Variants in GRM1 observed in about 807,000 individuals in gnomAD.
The protein encoded by GRM1 is glutamate metabotropic receptor 1, also known as metabotropic glutamate receptor 1.
In GRM1, 33 loss-of-function variants were observed where a neutral mutation model predicts 90.9. The ratio of observed to expected loss-of-function variants is 0.36; its 90% CI spans 0.28 to 0.49. The LOEUF is 0.49. Among genes scored for constraint, GRM1 ranks in the 20% least tolerant of loss-of-function variants. The probability of loss-of-function intolerance (pLI) is 0.99; values close to 1 mark genes in which losing one functional copy is unlikely to be tolerated. For synonymous variants in GRM1, 700 were observed against 613.2 expected (o/e 1.14, Z -2.09); for missense variants, 1,190 against 1,534.3 (o/e 0.78, Z 3.75).
intron 5 of GRM1, among the ~76,000 whole-genome samples, chr6:146,385,017 C>T (rs1776451510): frequency 6.6e-6 from 1 of 151,974 alleles, no homozygotes; most frequent in Non-Finnish European, 1.5e-5. Context: ...GAGTAATACC[C>T]AGTGGTAGAC....
chr6:146,426,551 A>G (rs751891127), intron 7 of GRM1: 14 of 1,610,430 alleles, frequency 8.7e-6, no homozygotes, highest in East Asian at 4.5e-5. Flanking sequence ...TTTCTTTTCA[A>G]TCTTCAGGAA....
intron 7 of GRM1, among the ~76,000 whole-genome samples, chr6:146,421,838 A>G (rs1778006484): frequency 6.6e-6 from 1 of 152,170 alleles, no homozygotes; most frequent in Non-Finnish European, 1.5e-5. Context: ...TTCCATTTAC[A>G]GAGAGCCTAC....
chr6:146,391,531 A>G (rs1322910555), intron 6 of GRM1, among the ~76,000 whole-genome samples: 1 of 151,936 alleles, frequency 6.6e-6, no homozygotes, highest in Non-Finnish European at 1.5e-5. Flanking sequence ...TGGGATAAAC[A>G]AACACACCTG....
intron 2 of GRM1, among the ~76,000 whole-genome samples, chr6:146,291,739 C>T (rs544762481): frequency 2.0e-4 from 30 of 151,970 alleles, no homozygotes; most frequent in African/African-American, 6.7e-4. Context: ...ATAAAACTAT[C>T]TAAACAAATC....
At chr6:146,204,503 A>G (rs568114822) in intron 2 of GRM1, among the ~76,000 whole-genome samples, 53 of 152,294 alleles carry the variant, frequency 3.5e-4, no homozygotes, top group African/African-American at 1.2e-3. Context: ...ATGTAACTTC[A>G]TAGGGTCCAA....
chr6:146,423,072 G>A (rs1394804639), intron 7 of GRM1, among the ~76,000 whole-genome samples: 1 of 151,948 alleles, frequency 6.6e-6, no homozygotes, highest in South Asian at 2.1e-4. Flanking sequence ...AAATTGAAGA[G>A]GACCCTTTCT....
At chr6:146,249,113 A>G (rs1173376257) in intron 2 of GRM1, among the ~76,000 whole-genome samples, 1 of 152,238 alleles carries the variant, frequency 6.6e-6, no homozygotes, top group Non-Finnish European at 1.5e-5. Context: ...CTTATGTTTG[A>G]GAAGGAAGCA....
At chr6:146,136,299 A>G (rs955213700) in intron 1 of GRM1, among the ~76,000 whole-genome samples, 4 of 152,172 alleles carry the variant, frequency 2.6e-5, no homozygotes, top group Non-Finnish European at 4.4e-5. Context: ...CTATACCTAG[A>G]AGTGGGATGC....
At chr6:146,371,306 T>A (rs910570225) in intron 5 of GRM1, among the ~76,000 whole-genome samples, 3 of 152,034 alleles carry the variant, frequency 2.0e-5, no homozygotes, top group Admixed American at 2.0e-4. Context: ...CTCCCACAGT[T>A]CTTTTTACTT....
At chr6:146,414,672 C>G (rs887161830) in intron 7 of GRM1, among the ~76,000 whole-genome samples, 1 of 152,122 alleles carries the variant, frequency 6.6e-6, no homozygotes, top group Non-Finnish European at 1.5e-5. Context: ...GAAGTGCTGG[C>G]ATTACAGGTG....
intron 1 of GRM1, among the ~76,000 whole-genome samples, chr6:146,117,030 T>A (rs779959959): frequency 2.0e-5 from 3 of 151,800 alleles, no homozygotes; most frequent in Non-Finnish European, 2.9e-5. Context: ...TTTTAATTTT[T>A]TAAAGTCTTC....
intron 2 of GRM1, among the ~76,000 whole-genome samples, chr6:146,272,049 C>A (rs769575211): frequency 6.6e-6 from 1 of 152,164 alleles, no homozygotes; most frequent in East Asian, 1.9e-4. Context: ...TGTTCCAAGA[C>A]TGTGTCCAGA....
chr6:146,113,663 C>A (rs912380603), intron 1 of GRM1, among the ~76,000 whole-genome samples: 1 of 152,104 alleles, frequency 6.6e-6, no homozygotes, highest in Non-Finnish European at 1.5e-5. Context: ...GTTTTGATGT[C>A]TAGAGCACTG....
chr6:146,204,340 C>T (rs564458280), intron 2 of GRM1, among the ~76,000 whole-genome samples: 7 of 152,296 alleles, frequency 4.6e-5, no homozygotes, highest in East Asian at 3.9e-4. Flanking sequence ...ATTTCCTGAA[C>T]GTTTACGGTT....
rs190296935 is a variant in GRM1, at chr6:146,381,098, T to G, written c.1603-5792T>G. Among the ~76,000 whole-genome samples the G allele has an allele frequency of 2.0e-4, 30 of 152,276 alleles. No individual in the cohort carries two copies. The East Asian group carries it at 2.1e-3, about 11-fold the overall frequency. On this transcript the variant is annotated intron_variant, in intron 5 of 7. Transcript: ENST00000282753. ...GTACAGGCTGGGGTTAGGGGAGGTG[T>G]GATGCCAGCGTTCCCTTAGCTGCCC...
At chr6:146,224,894 G>A (rs1000345807) in intron 2 of GRM1, among the ~76,000 whole-genome samples, 7 of 152,140 alleles carry the variant, frequency 4.6e-5, no homozygotes, top group African/African-American at 1.7e-4. Flanking sequence ...TCAATCCTCT[G>A]TAAAGCTACT....
At chr6:146,187,179 G>A (rs977844782) in intron 2 of GRM1, among the ~76,000 whole-genome samples, 4 of 152,140 alleles carry the variant, frequency 2.6e-5, no homozygotes, top group Non-Finnish European at 5.9e-5. Flanking sequence ...TGAAATGCTA[G>A]TGTTTGCACA....
Position 146,135,765 on chromosome 6 carries a change from A to G in GRM1, c.701-23583A>G, listed in dbSNP as rs369700181. On this transcript the variant is annotated intron_variant, in intron 1 of 7. Transcript: ENST00000282753. Reference sequence around the variant, plus strand: ...GGGTAAATGGGGTATCCATCACCTTAAGCATTTACCCTTCATGTTACAAAC... The same window carrying G: ...GGGTAAATGGGGTATCCATCACCTTGAGCATTTACCCTTCATGTTACAAAC... Among the ~76,000 whole-genome samples, 3 of 152,284 alleles carry G rather than the reference A, an allele frequency of 2.0e-5. 1 individual carries two copies. The highest frequency in any genetic ancestry group is 4.2e-4 in the South Asian group (2 of 4,816).
chr6:146,084,991 A>G (rs542584474), intron 1 of GRM1, among the ~76,000 whole-genome samples: 1 of 152,286 alleles, frequency 6.6e-6, no homozygotes, highest in South Asian at 2.1e-4. Flanking sequence ...ACAAATACTT[A>G]CTTTTCTCTT....
Sources: allele counts gnomAD v4.1 joint callset (sites outside exome capture counted in the v4.1 genomes callset), GRCh38; gene constraint gnomAD v4.1.1; transcripts MANE v1.5; gene names NCBI Gene and HGNC (gene_info 2026-07-23, HGNC 2026-07-21).